Variants in IFRD1 observed in about 807,000 individuals in gnomAD.
IFRD1 encodes the protein interferon related developmental regulator 1.
A neutral mutation model predicts 52.9 loss-of-function variants in IFRD1; 35 were observed. The observed-to-expected ratio is 0.66, with a 90% CI of 0.51 to 0.88. IFRD1 has a LOEUF of 0.88. Ranked by LOEUF, IFRD1 falls within the 40% of genes least tolerant of loss-of-function variation. IFRD1 has a pLI of 0.00. For missense variants in IFRD1, 517 were observed against 550.8 expected (o/e 0.94, Z 0.61); for synonymous variants, 184 against 188.4 (o/e 0.98, Z 0.19).
chr7:112,428,029 G>A (rs893594979), intron 1 of IFRD1, among the ~76,000 whole-genome samples: 1 of 152,158 alleles, frequency 6.6e-6, no homozygotes, highest in Non-Finnish European at 1.5e-5. Context: ...CCCAGGAAAA[G>A]GTGAGCCTGG....
rs898286583 is a variant in IFRD1, at chr7:112,450,926, A to C, written c.94+144A>C. On this transcript the variant is annotated intron_variant, in intron 1 of 11. Coordinates refer to ENST00000403825, the MANE Select transcript of IFRD1 (RefSeq NM_001550.4). ...TGCGTGGTTTGGCTACTGAACTACA[A>C]TTCCCAGCGTGCCCTGGGCGCTGCT... is the stretch of plus-strand genomic sequence containing the variant. 41 of 696,644 alleles carry C rather than the reference A, an allele frequency of 5.9e-5. No individual in the cohort carries two copies. In the African/African-American group the frequency reaches 6.2e-4, roughly 11 times the overall value. The allele number at this position is 696,644 out of a possible 1,614,324, so 43.2% of individuals were successfully genotyped here. A position where few individuals can be genotyped will look rare whatever the true frequency, so the allele number is the denominator to read the frequency against.
intron 1 of IFRD1, among the ~76,000 whole-genome samples, chr7:112,436,975 C>A (rs1175070549): frequency 6.6e-6 from 1 of 152,120 alleles, no homozygotes; most frequent in Non-Finnish European, 1.5e-5. Context: ...GTGCATAAAT[C>A]AGGCTAAAGA....
At chr7:112,450,084 G>A, upstream of IFRD1, 1 of 154,928 alleles carries the variant, frequency 6.5e-6, no homozygotes, top group Non-Finnish European at 1.4e-5. Context: ...TCGTCATAGG[G>A]CATACTCGCC....
At chr7:112,463,861 C>T (rs62474582) in intron 8 of IFRD1, among the ~76,000 whole-genome samples, 1 of 32,730 alleles carries the variant, frequency 3.1e-5, no homozygotes, top group Non-Finnish European at 6.8e-5. Context: ...TATACACACA[C>T]ACACACACAC....
At chr7:112,424,182 C>T (rs1794379928) in intron 1 of IFRD1, among the ~76,000 whole-genome samples, 1 of 152,018 alleles carries the variant, frequency 6.6e-6, no homozygotes, top group Non-Finnish European at 1.5e-5. Flanking sequence ...CTTATCTACC[C>T]TGTGGTCGAG....
In IFRD1 at chr7:112,456,076, C is replaced by G. The variant is rs942809582; in HGVS notation, c.274C>G (p.Leu92Val). The change falls in exon 3 of 12, where the codon CTG becomes GTG. Residue 92 changes from leucine (L) to valine (V), a missense_variant. Leu to Val is a conservative substitution (Grantham distance 32). Transcript: ENST00000403825. ...GTTGAAGGGATTAATTGACCTAACC[C>G]TGGATAAGAGGTAGGCAATACTGGA... ...YKLKGLIDLT[L>V]DKSAKTRQAA... 2.5e-6 allele frequency: 4 copies of G among 1,594,852 alleles called. No homozygotes were observed.
At chr7:112,436,025 G>A (rs1477464005) in intron 1 of IFRD1, among the ~76,000 whole-genome samples, 1 of 151,940 alleles carries the variant, frequency 6.6e-6, no homozygotes, top group Non-Finnish European at 1.5e-5. Context: ...TGGGATTACA[G>A]GCGTGCGCCA....
intron 8 of IFRD1, among the ~76,000 whole-genome samples, chr7:112,463,468 G>A (rs1172768174): frequency 6.6e-6 from 1 of 152,040 alleles, no homozygotes; most frequent in Non-Finnish European, 1.5e-5. Flanking sequence ...TATGTGTAAA[G>A]TGGCTCTCTC....
At position 112,472,337 on chromosome 7, in the gene IFRD1, A is replaced by ACC; in HGVS notation, c.1161_1162dup (p.His388ProfsTer19). 1.2e-6 allele frequency: 2 copies of ACC among 1,614,062 alleles called. No homozygotes were observed. Among genetic ancestry groups the ACC allele is most frequent in the Non-Finnish European group, 1.7e-6 (2 of 1,179,936 alleles). ...GAGGTTCTTGGATCAGGGATGCAGT[A>ACC]CCACTTGCAGGTAAGTGTCATCCTT... On this transcript the variant is annotated frameshift_variant, in exon 10 of 12. Transcript: ENST00000403825. LOFTEE classifies it high-confidence loss of function.
intron 11 of IFRD1, among the ~76,000 whole-genome samples, chr7:112,474,738 G>A (rs1487958958): frequency 1.3e-5 from 2 of 152,082 alleles, no homozygotes; most frequent in Admixed American, 1.3e-4. Flanking sequence ...TAAAAAATGT[G>A]TTTATTTAAT....
chr7:112,452,379 G>A, intron 1 of IFRD1: 1 of 708,028 alleles, frequency 1.4e-6, no homozygotes, highest in Non-Finnish European at 1.7e-6. Context: ...CTGGTCACGA[G>A]TCCCTCGTCC....
intron 1 of IFRD1, chr7:112,452,368 G>T: frequency 1.7e-6 from 1 of 572,392 alleles, no homozygotes; most frequent in Non-Finnish European, 2.2e-6. Context: ...TGTTGGCCAG[G>T]CTGGTCACGA....
chr7:112,475,059 A>G (rs1795862774), intron 11 of IFRD1, among the ~76,000 whole-genome samples: 2 of 152,098 alleles, frequency 1.3e-5, no homozygotes, highest in South Asian at 4.1e-4. Context: ...CTCGGGTTCA[A>G]ACGATTCTCC....
Position 112,462,389 on chromosome 7 carries a change from A to G in IFRD1, c.906+11A>G, listed in dbSNP as rs771814397. The G allele has an allele frequency of 1.7e-5, 26 of 1,562,878 alleles. No individual in the cohort carries two copies. In the Admixed American group the frequency reaches 3.7e-4, roughly 22 times the overall value. On this transcript the variant is annotated intron_variant, in intron 8 of 11. Coordinates refer to ENST00000403825, the MANE Select transcript of IFRD1 (RefSeq NM_001550.4). ...AGAGGAATAGAGAGTGTAAGTATCTAACTGGCAGAGGAAAAAGCTTGTGTC... is the reference window on the plus strand; with the variant it reads ...AGAGGAATAGAGAGTGTAAGTATCTGACTGGCAGAGGAAAAAGCTTGTGTC...
chr7:112,475,105 T>A (rs147940241), intron 11 of IFRD1, among the ~76,000 whole-genome samples: 2,699 of 151,884 alleles, frequency 0.018, 33 homozygotes, highest in Non-Finnish European at 0.028. Flanking sequence ...ACTACAGGCA[T>A]GTGCCACCAT....
intron 1 of IFRD1, chr7:112,452,203 A>C: frequency 1.3e-6 from 1 of 757,048 alleles, no homozygotes; most frequent in Non-Finnish European, 1.6e-6. Context: ...TCTGTCGCCC[A>C]GGCTGGAGTG....
upstream of IFRD1, among the ~76,000 whole-genome samples, chr7:112,447,569 G>A (rs1222525956): frequency 6.6e-6 from 1 of 152,230 alleles, no homozygotes; most frequent in African/African-American, 2.4e-5. Context: ...CAACATGTAG[G>A]TGGAAGTTTC....
intron 4 of IFRD1, chr7:112,457,329 G>A (rs1356543216): frequency 5.7e-6 from 3 of 528,008 alleles, no homozygotes; most frequent in Non-Finnish European, 1.0e-5. Flanking sequence ...TACCAGAAAA[G>A]CTTGAAAGTG....
chr7:112,474,956 C>T (rs1795857451), intron 11 of IFRD1, among the ~76,000 whole-genome samples: 1 of 131,386 alleles, frequency 7.6e-6, no homozygotes, highest in African/African-American at 2.7e-5. Context: ...GCCATTAACT[C>T]TTTATTTATT....
Sources: gnomAD v4.1 joint callset for allele counts (sites outside exome capture counted in the v4.1 genomes callset) on GRCh38, gnomAD v4.1.1 for gene constraint, MANE v1.5 for transcripts, NCBI Gene and HGNC (gene_info 2026-07-23, HGNC 2026-07-21) for gene names.